TRHDE: variants seen among roughly 807,000 people sequenced by gnomAD.
TRHDE encodes the protein thyrotropin releasing hormone degrading enzyme, also known as thyrotropin-releasing hormone-degrading ectoenzyme.
In TRHDE, 72 loss-of-function variants were observed where a neutral mutation model predicts 125.7. The ratio of observed to expected loss-of-function variants is 0.57; its 90% CI spans 0.47 to 0.70. The LOEUF is 0.70. TRHDE is among the 30% of genes least tolerant of loss of function. The pLI is 0.00. For missense variants in TRHDE, 1,110 were observed against 1,327.1 expected (o/e 0.84, Z 2.54); for synonymous variants, 509 against 509.1 (o/e 1.00, Z 0.00).
intron 2 of TRHDE, among the ~76,000 whole-genome samples, chr12:72,220,829 T>TA (rs1188031166): frequency 6.6e-6 from 1 of 152,182 alleles, no homozygotes; most frequent in Non-Finnish European, 1.5e-5. Context: ...CAAGGACTGC[T>TA]ACTGGATATT....
intron 3 of TRHDE, among the ~76,000 whole-genome samples, chr12:72,435,509 G>A (rs888024938): frequency 1.1e-4 from 17 of 151,692 alleles, no homozygotes; most frequent in South Asian, 6.2e-4. Context: ...TGTTTGATTC[G>A]AATATGAAAA....
intron 5 of TRHDE, among the ~76,000 whole-genome samples, chr12:72,493,916 A>T (rs1877793912): frequency 6.6e-6 from 1 of 152,048 alleles, no homozygotes; most frequent in South Asian, 2.1e-4. Flanking sequence ...GTCACACTAC[A>T]TCCTGAACCT....
intron 4 of TRHDE, among the ~76,000 whole-genome samples, chr12:72,470,432 C>T (rs1315618207): frequency 6.6e-6 from 1 of 152,176 alleles, no homozygotes; most frequent in Admixed American, 6.5e-5. Context: ...TTTGTCTTGG[C>T]ATGTTTAGAA....
intron 18 of TRHDE, among the ~76,000 whole-genome samples, chr12:72,660,420 G>A (rs1716730507): frequency 6.6e-6 from 1 of 152,098 alleles, no homozygotes; most frequent in Admixed American, 6.5e-5. Context: ...TCCAAGGAAA[G>A]GAGACTCCCT....
At chr12:72,361,531 A>G (rs1871080456) in intron 2 of TRHDE, among the ~76,000 whole-genome samples, 1 of 151,368 alleles carries the variant, frequency 6.6e-6, no homozygotes, top group Non-Finnish European at 1.5e-5. Flanking sequence ...ACTTTTCTAT[A>G]TGAGTAGGTG....
intron 2 of TRHDE, among the ~76,000 whole-genome samples, chr12:72,311,126 A>G (rs998297216): frequency 6.6e-6 from 1 of 152,140 alleles, no homozygotes; most frequent in African/African-American, 2.4e-5. Flanking sequence ...ATAGAACATT[A>G]CCATCACTCC....
At chr12:72,199,187 C>A (rs946492927) in intron 2 of TRHDE, among the ~76,000 whole-genome samples, 3 of 152,092 alleles carry the variant, frequency 2.0e-5, no homozygotes, top group Non-Finnish European at 4.4e-5. Flanking sequence ...GTCACCATCC[C>A]TTTCCTTTGA....
In TRHDE at chr12:72,356,067, T is replaced by C. The variant is rs56056112; in HGVS notation, c.1189-21928T>C. On this transcript the variant is annotated intron_variant, in intron 2 of 18. Transcript: ENST00000261180. Reference sequence around the variant, plus strand: ...ATACCCAAAGTAATGTAAATTGTTCTACCATAAAGACACATGCAAGAGAAT... The same window carrying C: ...ATACCCAAAGTAATGTAAATTGTTCCACCATAAAGACACATGCAAGAGAAT... Among the ~76,000 whole-genome samples, 1,220 of 151,944 alleles carry C rather than the reference T, an allele frequency of 8.0e-3. 22 individuals carry two copies. The highest frequency in any genetic ancestry group is 0.028 in the African/African-American group (1,152 of 41,516).
At chr12:72,287,024 A>G in intron 2 of TRHDE, 70 bp downstream of exon 2, 3 of 1,493,068 alleles carry the variant, frequency 2.0e-6, no homozygotes, top group Non-Finnish European at 2.7e-6. Flanking sequence ...TTTCTGGATT[A>G]ACAGTGAGTC....
chr12:72,180,412 A>G (rs1232328682), intron 2 of TRHDE, among the ~76,000 whole-genome samples: 1 of 152,150 alleles, frequency 6.6e-6, no homozygotes, highest in Non-Finnish European at 1.5e-5. Context: ...CCTATTTTTC[A>G]GGACAACAAT....
chr12:72,205,490 C>T (rs1370809170), intron 2 of TRHDE, among the ~76,000 whole-genome samples: 3 of 152,060 alleles, frequency 2.0e-5, no homozygotes, highest in Admixed American at 6.6e-5. Flanking sequence ...AAACTTTATA[C>T]CCACTGAAAA....
chr12:72,463,217 T>C (rs1876209954), intron 3 of TRHDE, among the ~76,000 whole-genome samples: 1 of 152,220 alleles, frequency 6.6e-6, no homozygotes, highest in Non-Finnish European at 1.5e-5. Context: ...GAGGTGATGC[T>C]CCTGAATTGC....
At position 72,354,747 on chromosome 12, in the gene TRHDE, TATATA is replaced by T. The variant is rs528862041; in HGVS notation, c.1189-23243_1189-23239del. On this transcript the variant is annotated intron_variant, in intron 2 of 18. Coordinates refer to ENST00000261180, the MANE Select transcript of TRHDE (RefSeq NM_013381.3). The stretch of plus-strand genomic sequence containing the variant: ...TTATGTATACATAAAATATATATAA[TATATA>T]ATATGCATATACATGGTTATCTCTG... Among the ~76,000 whole-genome samples, 906 of 149,572 alleles carry T rather than the reference TATATA, an allele frequency of 6.1e-3. 6 individuals carry two copies. Among genetic ancestry groups the T allele is most frequent in the African/African-American group, 0.021 (869 of 41,100 alleles).
At chr12:72,347,538 T>A (rs1459870946) in intron 2 of TRHDE, among the ~76,000 whole-genome samples, 1 of 152,012 alleles carries the variant, frequency 6.6e-6, no homozygotes, top group Non-Finnish European at 1.5e-5. Context: ...GCAATCAAGG[T>A]ATTGGCAGGG....
chr12:72,379,598 A>T (rs964432342), intron 3 of TRHDE, among the ~76,000 whole-genome samples: 1 of 152,162 alleles, frequency 6.6e-6, no homozygotes, highest in African/African-American at 2.4e-5. Context: ...TAAAATGTGG[A>T]TCTTTATTTG....
intron 3 of TRHDE, among the ~76,000 whole-genome samples, chr12:72,380,450 T>TC (rs1164053464): frequency 6.6e-6 from 1 of 152,108 alleles, no homozygotes; most frequent in African/African-American, 2.4e-5. Flanking sequence ...AAATGGGCAA[T>TC]CATGGAAGGC....
intron 2 of TRHDE, among the ~76,000 whole-genome samples, chr12:72,321,498 G>A (rs1869093906): frequency 6.6e-6 from 1 of 152,100 alleles, no homozygotes; most frequent in Non-Finnish European, 1.5e-5. Context: ...CACCATTTCT[G>A]CTCTGGAAAG....
intron 12 of TRHDE, among the ~76,000 whole-genome samples, chr12:72,600,161 T>C (rs979904374): frequency 2.6e-5 from 4 of 152,086 alleles, no homozygotes; most frequent in Non-Finnish European, 5.9e-5. Context: ...TTTGGTCTTA[T>C]AGTATAGTTT....
At chr12:72,448,862 G>A (rs896823447) in intron 3 of TRHDE, among the ~76,000 whole-genome samples, 2 of 151,548 alleles carry the variant, frequency 1.3e-5, no homozygotes, top group South Asian at 2.1e-4. Flanking sequence ...TGTGGAAGAC[G>A]CAAAGGAATA....
Sources: gnomAD v4.1 joint callset for allele counts (sites outside exome capture counted in the v4.1 genomes callset) on GRCh38, gnomAD v4.1.1 for gene constraint, MANE v1.5 for transcripts, NCBI Gene and HGNC (gene_info 2026-07-23, HGNC 2026-07-21) for gene names.